Variants in ADARB2 observed in about 807,000 individuals in gnomAD.
The protein encoded by ADARB2 is inactive double-stranded RNA-specific editase B2.
ADARB2 carries 25 observed loss-of-function variants against 62.2 expected under a neutral mutation model. The ratio of observed to expected loss-of-function variants is 0.40; its 90% CI spans 0.29 to 0.56. The LOEUF (loss-of-function observed/expected upper bound fraction) is 0.56. Among genes scored for constraint, ADARB2 ranks in the 20% least tolerant of loss-of-function variants. The pLI is 0.43. For missense variants in ADARB2, 1,071 were observed against 1,077.4 expected, an observed-to-expected ratio of 0.99 and a Z score of 0.08; for synonymous variants, 572 against 500.8, an observed-to-expected ratio of 1.14 and a Z score of -1.90.
rs1255744378 is a variant in ADARB2 at position 1,591,659 on chromosome 10, G to GCACACACACA, written c.100+145382_100+145391dup. On this transcript the variant is annotated intron_variant, in intron 1 of 9. Coordinates refer to ENST00000381312, the MANE Select transcript of ADARB2 (RefSeq NM_018702.4). ...CTCTCTTACACACAGAGGCGTGCAC[G>GCACACACACA]CACACACACACACACACACGCACAC... Among the ~76,000 whole-genome samples the GCACACACACA allele has an allele frequency of 6.2e-3, 763 of 122,782 alleles. 5 individuals are homozygous for GCACACACACA. The highest frequency in any genetic ancestry group is 0.016 in the African/African-American group (623 of 37,982). 80.5% of individuals were successfully genotyped at this position (122,782 alleles called of 152,430 possible).
chr10:1,308,573 C>T (rs754517608), intron 3 of ADARB2, among the ~76,000 whole-genome samples: 9 of 152,196 alleles, frequency 5.9e-5, no homozygotes, highest in Non-Finnish European at 1.3e-4. Context: ...TAAGAAAATG[C>T]CACGCTGTCT....
At chr10:1,535,402 G>A (rs945701279) in intron 1 of ADARB2, among the ~76,000 whole-genome samples, 3 of 152,182 alleles carry the variant, frequency 2.0e-5, no homozygotes, top group Non-Finnish European at 2.9e-5. Flanking sequence ...ACAATATTCC[G>A]AGGTGATACT....
At chr10:1,619,686 G>A (rs1390166454) in intron 1 of ADARB2, among the ~76,000 whole-genome samples, 1 of 152,134 alleles carries the variant, frequency 6.6e-6, no homozygotes, top group South Asian at 2.1e-4. Flanking sequence ...TCTTGACCTA[G>A]AGATCTGCCC....
At chr10:1,712,906 GCCA>G (rs1460375627) in intron 1 of ADARB2, among the ~76,000 whole-genome samples, 8 of 152,074 alleles carry the variant, frequency 5.3e-5, no homozygotes. Context: ...ACAGCACCCG[GCCA>G]CCACCATTAC....
chr10:1,220,179 G>GGTGGTGATGATGATGATGGTA (rs1830676241), intron 6 of ADARB2, among the ~76,000 whole-genome samples: 1 of 149,968 alleles, frequency 6.7e-6, no homozygotes, highest in Non-Finnish European at 1.5e-5. Context: ...TGGTGGTGAT[G>GGTGGTGATGATGATGATGGTA]ATGGTGGTGA....
chr10:1,711,781 T>C (rs1834951469), intron 1 of ADARB2, among the ~76,000 whole-genome samples: 1 of 152,218 alleles, frequency 6.6e-6, no homozygotes, highest in East Asian at 1.9e-4. Flanking sequence ...CAGGCTCTTA[T>C]AGATTTACAT....
At chr10:1,202,294 C>G (rs990199131) in intron 7 of ADARB2, among the ~76,000 whole-genome samples, 1 of 151,856 alleles carries the variant, frequency 6.6e-6, no homozygotes, top group Non-Finnish European at 1.5e-5. Flanking sequence ...GTCACCCAGG[C>G]TGGAGTATGG....
chr10:1,390,026 G>C (rs1385686387), intron 1 of ADARB2, among the ~76,000 whole-genome samples: 1 of 152,132 alleles, frequency 6.6e-6, no homozygotes, highest in Non-Finnish European at 1.5e-5. Context: ...ATTCGTCACA[G>C]CTTAAAATGG....
At chr10:1,394,729 G>A (rs1381763775) in intron 1 of ADARB2, among the ~76,000 whole-genome samples, 3 of 152,290 alleles carry the variant, frequency 2.0e-5, no homozygotes, top group East Asian at 1.9e-4. Flanking sequence ...CCTGAGGAAC[G>A]TCAAAGGGTC....
At chr10:1,669,947 C>T (rs945435030) in intron 1 of ADARB2, among the ~76,000 whole-genome samples, 3 of 151,960 alleles carry the variant, frequency 2.0e-5, no homozygotes, top group East Asian at 3.9e-4. Context: ...CACACACAGA[C>T]ACATGCAGAC....
At chr10:1,680,882 G>A (rs1056936928) in intron 1 of ADARB2, among the ~76,000 whole-genome samples, 1 of 152,172 alleles carries the variant, frequency 6.6e-6, no homozygotes, top group African/African-American at 2.4e-5. Flanking sequence ...GTCTACGAAG[G>A]CTGCAGCAGG....
At chr10:1,525,253 A>C (rs964853494) in intron 1 of ADARB2, among the ~76,000 whole-genome samples, 1 of 152,230 alleles carries the variant, frequency 6.6e-6, no homozygotes, top group African/African-American at 2.4e-5. Flanking sequence ...ATGAGGTTAC[A>C]CAAAGATTTC....
chr10:1,311,182 T>C (rs1462283044), intron 3 of ADARB2, among the ~76,000 whole-genome samples: 3 of 152,196 alleles, frequency 2.0e-5, no homozygotes, highest in Non-Finnish European at 4.4e-5. Flanking sequence ...TCATTTCTCC[T>C]TCCATGGGGA....
chr10:1,453,038 T>C (rs564428888), intron 1 of ADARB2, among the ~76,000 whole-genome samples: 9 of 152,300 alleles, frequency 5.9e-5, no homozygotes, highest in Middle Eastern at 3.4e-3. Context: ...GCTGCTGTCA[T>C]TGGGGCCACA....
chr10:1,351,723 C>T (rs549490124), intron 3 of ADARB2, among the ~76,000 whole-genome samples: 65 of 152,220 alleles, frequency 4.3e-4, no homozygotes, highest in African/African-American at 1.5e-3. Flanking sequence ...ATGCCAATAT[C>T]TCATCCCACA....
At chr10:1,662,750 A>G (rs113066792) in intron 1 of ADARB2, among the ~76,000 whole-genome samples, 144 of 152,286 alleles carry the variant, frequency 9.5e-4, no homozygotes, top group African/African-American at 3.3e-3. Flanking sequence ...AACAATTCAC[A>G]TCATTTCCGC....
At chr10:1,228,596 G>A (rs1245437824) in intron 6 of ADARB2, among the ~76,000 whole-genome samples, 1 of 152,226 alleles carries the variant, frequency 6.6e-6, no homozygotes, top group Admixed American at 6.5e-5. Flanking sequence ...AACTGACCTG[G>A]CCCCTCTAGG....
Position 1,358,056 on chromosome 10 carries a change from G to C in ADARB2, c.1077+4972C>G, listed in dbSNP as rs139869923. Among the ~76,000 whole-genome samples the C allele has an allele frequency of 1.7e-3, 255 of 152,288 alleles. 3 individuals are homozygous for C. Among genetic ancestry groups the C allele is most frequent in the Middle Eastern group, 6.8e-3 (2 of 294 alleles). ...AGTGTGTGTGAGAGAGGAAGTAACAGAGAGAGAGACAGACAGAGAGAGAAG... is the reference window on the plus strand; with the variant it reads ...AGTGTGTGTGAGAGAGGAAGTAACACAGAGAGAGACAGACAGAGAGAGAAG... On this transcript the variant is annotated intron_variant, in intron 3 of 9. Transcript: ENST00000381312.
chr10:1,566,084 A>C (rs1478396260), intron 1 of ADARB2, among the ~76,000 whole-genome samples: 2,180 of 142,414 alleles, frequency 0.015, 144 homozygotes, highest in African/African-American at 0.042. Context: ...AAAAAAAAAA[A>C]AAAAAAAAAA....
Sources: gnomAD v4.1 joint callset for allele counts (sites outside exome capture counted in the v4.1 genomes callset) on GRCh38, gnomAD v4.1.1 for gene constraint, MANE v1.5 for transcripts, NCBI Gene and HGNC (gene_info 2026-07-23, HGNC 2026-07-21) for gene names.